Variants in RCAN2 observed in about 807,000 individuals in gnomAD.
RCAN2 encodes calcipressin-2.
Under a neutral mutation model 23.6 loss-of-function variants are expected in RCAN2, and 9 were observed. That is an observed-to-expected ratio of 0.38 (90% CI 0.23 to 0.67). The LOEUF (loss-of-function observed/expected upper bound fraction) is 0.67, where lower values mean the gene tolerates loss of function less well. Among genes scored for constraint, RCAN2 ranks in the 30% least tolerant of loss-of-function variants. The pLI is 0.51. For synonymous variants in RCAN2, 109 were observed against 115.7 expected, an observed-to-expected ratio of 0.94 and a Z score of 0.37; for missense variants, 273 against 302.3, an observed-to-expected ratio of 0.90 and a Z score of 0.72.
At chr6:46,329,516 T>C (rs1361070989) in intron 2 of RCAN2, among the ~76,000 whole-genome samples, 2 of 152,108 alleles carry the variant, frequency 1.3e-5, no homozygotes, top group East Asian at 3.8e-4. Flanking sequence ...TAGGAGTTAC[T>C]CTAATAAACA....
intron 2 of RCAN2, among the ~76,000 whole-genome samples, chr6:46,385,090 C>T (rs958887620): frequency 2.0e-5 from 3 of 152,152 alleles, no homozygotes; most frequent in Non-Finnish European, 4.4e-5. Context: ...ATTTTCCAAA[C>T]TAAAATTTTC....
intron 2 of RCAN2, among the ~76,000 whole-genome samples, chr6:46,298,804 A>G (rs1159443142): frequency 3.3e-5 from 5 of 152,062 alleles, no homozygotes; most frequent in Non-Finnish European, 7.4e-5. Context: ...AGACTCATGC[A>G]CTCATATGTT....
intron 2 of RCAN2, among the ~76,000 whole-genome samples, chr6:46,317,339 A>G (rs898154902): frequency 7.2e-5 from 11 of 152,212 alleles, no homozygotes; most frequent in African/African-American, 2.7e-4. Context: ...GTAGTATAAC[A>G]CCACTTCTGA....
At position 46,322,594 on chromosome 6, in the gene RCAN2, C is replaced by G. The variant is rs141656724; in HGVS notation, c.226-73698G>C. Among the ~76,000 whole-genome samples the G allele has an allele frequency of 9.8e-4, 149 of 152,348 alleles. 1 individual carries two copies. The highest frequency in any genetic ancestry group is 3.4e-3 in the African/African-American group (141 of 41,596). ...TAAACTCCCATACTTATGAAGGAGG[C>G]CTGCTGGTTGCATCCCCCTAGTATG... On this transcript the variant is annotated intron_variant, in intron 2 of 4. Transcript: ENST00000371374.
chr6:46,247,699 T>A (rs1766568652), intron 3 of RCAN2, among the ~76,000 whole-genome samples: 1 of 152,264 alleles, frequency 6.6e-6, no homozygotes, highest in South Asian at 2.1e-4. Flanking sequence ...TTTTTATGGA[T>A]GAATAATATT....
chr6:46,389,370 T>A (rs774295108), intron 2 of RCAN2, among the ~76,000 whole-genome samples: 1 of 152,198 alleles, frequency 6.6e-6, no homozygotes, highest in Non-Finnish European at 1.5e-5. Flanking sequence ...GTCCTTCCTC[T>A]CCTTCTATTT....
chr6:46,223,927 G>A (rs1245656927), intron 4 of RCAN2, among the ~76,000 whole-genome samples: 2 of 152,158 alleles, frequency 1.3e-5, no homozygotes, highest in Non-Finnish European at 2.9e-5. Flanking sequence ...CTGTCTTTCT[G>A]TTGCTTCATT....
At chr6:46,326,873 A>C (rs1763810582) in intron 2 of RCAN2, among the ~76,000 whole-genome samples, 1 of 152,224 alleles carries the variant, frequency 6.6e-6, no homozygotes. Flanking sequence ...ACTTGAGTCC[A>C]ATGTTCCCCT....
chr6:46,393,417 T>C (rs546436282), intron 2 of RCAN2, among the ~76,000 whole-genome samples: 3 of 152,120 alleles, frequency 2.0e-5, no homozygotes, highest in African/African-American at 7.2e-5. Context: ...CAGTGAGTAG[T>C]TTGTAGTAAG....
intron 2 of RCAN2, among the ~76,000 whole-genome samples, chr6:46,380,295 C>T (rs2150393157): frequency 6.6e-6 from 1 of 152,316 alleles, no homozygotes; most frequent in African/African-American, 2.4e-5. Context: ...TATAAATAGT[C>T]TCACCTCAGT....
chr6:46,340,901 AAGTTAATTTGAAT>A (rs1317507545), intron 2 of RCAN2, among the ~76,000 whole-genome samples: 1 of 152,240 alleles, frequency 6.6e-6, no homozygotes, highest in African/African-American at 2.4e-5. Flanking sequence ...TTTTCTTTTA[AAGTTAATTTGAAT>A]GTCTTAAATT....
At chr6:46,235,320 A>G (rs1766053485) in intron 4 of RCAN2, among the ~76,000 whole-genome samples, 1 of 152,192 alleles carries the variant, frequency 6.6e-6, no homozygotes, top group Non-Finnish European at 1.5e-5. Context: ...TGTACTGCCA[A>G]GCAATAGATA....
intron 1 of RCAN2, among the ~76,000 whole-genome samples, chr6:46,486,662 C>T (rs1768998270): frequency 6.6e-6 from 1 of 152,138 alleles, no homozygotes; most frequent in African/African-American, 2.4e-5. Context: ...CAATAGCTAC[C>T]ATTACAATGT....
intron 2 of RCAN2, among the ~76,000 whole-genome samples, chr6:46,276,415 C>T (rs999236348): frequency 3.3e-5 from 5 of 152,130 alleles, no homozygotes; most frequent in Admixed American, 6.5e-5. Flanking sequence ...GCAACTGTGT[C>T]CAGGAGTATG....
chr6:46,416,936 G>T (rs921422301), intron 2 of RCAN2, among the ~76,000 whole-genome samples: 2 of 152,000 alleles, frequency 1.3e-5, no homozygotes, highest in African/African-American at 4.8e-5. Context: ...TATAATTTTT[G>T]TCCAAAAAAT....
chr6:46,481,883 A>G (rs1456024310), intron 1 of RCAN2, among the ~76,000 whole-genome samples: 1 of 152,202 alleles, frequency 6.6e-6, no homozygotes, highest in East Asian at 1.9e-4. Flanking sequence ...ATTAGCATAA[A>G]CCAACCCTAG....
chr6:46,375,233 C>T (rs940525327), intron 2 of RCAN2, among the ~76,000 whole-genome samples: 6 of 152,176 alleles, frequency 3.9e-5, no homozygotes, highest in African/African-American at 1.4e-4. Flanking sequence ...GTGTGAACCA[C>T]CATGCCTGGG....
chr6:46,314,563 T>G (rs1285096151), intron 2 of RCAN2, among the ~76,000 whole-genome samples: 1 of 152,040 alleles, frequency 6.6e-6, no homozygotes, highest in Non-Finnish European at 1.5e-5. Flanking sequence ...TAATCTAATT[T>G]CTACCTATCT....
chr6:46,292,885 C>T (rs368988900), intron 2 of RCAN2, among the ~76,000 whole-genome samples: 1 of 152,144 alleles, frequency 6.6e-6, no homozygotes, highest in African/African-American at 2.4e-5. Context: ...CCTCCACCCC[C>T]ACGACAGGCC....
Sources: gnomAD v4.1 joint callset for allele counts (sites outside exome capture counted in the v4.1 genomes callset) on GRCh38, gnomAD v4.1.1 for gene constraint, MANE v1.5 for transcripts, NCBI Gene and HGNC (gene_info 2026-07-23, HGNC 2026-07-21) for gene names.